The following MAPK4 variants were observed in gnomAD, a reference collection of about 807,000 sequenced individuals.
The protein encoded by MAPK4 is Erk3-related.
In MAPK4, 22 loss-of-function variants were observed where a neutral mutation model predicts 47.7. That is an observed-to-expected ratio of 0.46 (90% CI 0.33 to 0.66). The LOEUF is 0.66. Ranked by LOEUF, MAPK4 falls within the 30% of genes least tolerant of loss-of-function variation. The pLI, the probability that MAPK4 is intolerant of heterozygous loss-of-function variation, is 0.02. For synonymous variants in MAPK4, 390 were observed against 365.7 expected (o/e 1.07, Z -0.76); for missense variants, 736 against 831.7 (o/e 0.88, Z 1.42).
chr18:50,625,664 ACATGCCCATACCAAAGCCAGGCTGGACC>A (rs2042770438), intron 1 of MAPK4, among the ~76,000 whole-genome samples: 1 of 152,122 alleles, frequency 6.6e-6, no homozygotes, highest in South Asian at 2.1e-4. Context: ...TCGGGGTAGC[ACATGCCCATACCAAAGCCAGGCTGGACC>A]CAGGATTGGT....
At chr18:50,560,014 G>A (rs1393594782), upstream of MAPK4, 4 of 148,960 alleles carry the variant, frequency 2.7e-5, no homozygotes, top group African/African-American at 9.7e-5. Flanking sequence ...CCAGTGGGCG[G>A]GGGCGGGGCC....
chr18:50,726,748 T>A (rs541122073), intron 5 of MAPK4, among the ~76,000 whole-genome samples: 3 of 151,476 alleles, frequency 2.0e-5, no homozygotes, highest in Non-Finnish European at 4.4e-5. Context: ...TTTTTTTTTT[T>A]AATTAGCCAG....
At chr18:50,576,801 A>G (rs2042301363) in intron 1 of MAPK4, among the ~76,000 whole-genome samples, 1 of 152,238 alleles carries the variant, frequency 6.6e-6, no homozygotes, top group Non-Finnish European at 1.5e-5. Context: ...TGTATGAAGC[A>G]TATTCCTTTT....
intron 1 of MAPK4, among the ~76,000 whole-genome samples, chr18:50,633,024 C>T (rs571219212): frequency 6.6e-6 from 1 of 152,256 alleles, no homozygotes; most frequent in East Asian, 1.9e-4. Flanking sequence ...GAGTAATTTA[C>T]TAAAAGCCTT....
At chr18:50,706,890 A>T (rs117744780) in intron 2 of MAPK4, among the ~76,000 whole-genome samples, 1 of 152,300 alleles carries the variant, frequency 6.6e-6, no homozygotes, top group Non-Finnish European at 1.5e-5. Context: ...GAACAAACAG[A>T]ACATGTTATC....
intron 2 of MAPK4, among the ~76,000 whole-genome samples, chr18:50,707,751 C>G (rs756503062): frequency 1.4e-4 from 21 of 151,974 alleles, no homozygotes; most frequent in Non-Finnish European, 2.4e-4. Context: ...TTTTTAAAGT[C>G]AAAGAAAGTG....
intron 2 of MAPK4, among the ~76,000 whole-genome samples, chr18:50,684,642 T>G (rs114348939): frequency 0.027 from 4,064 of 151,652 alleles, 98 homozygotes; most frequent in African/African-American, 0.061. Flanking sequence ...CCCATCACAG[T>G]GGGCTGTGGC....
chr18:50,648,964 C>T (rs775218264), intron 1 of MAPK4, among the ~76,000 whole-genome samples: 1 of 152,200 alleles, frequency 6.6e-6, no homozygotes, highest in African/African-American at 2.4e-5. Flanking sequence ...TGGGACTCTA[C>T]GCCTCTCTGC....
At chr18:50,598,857 A>G (rs1379857415) in intron 1 of MAPK4, among the ~76,000 whole-genome samples, 1 of 152,112 alleles carries the variant, frequency 6.6e-6, no homozygotes, top group Non-Finnish European at 1.5e-5. Context: ...TATCATAATT[A>G]TATTGGGGTT....
At chr18:50,625,352 T>A (rs1216145650) in intron 1 of MAPK4, among the ~76,000 whole-genome samples, 2 of 152,190 alleles carry the variant, frequency 1.3e-5, no homozygotes, top group Non-Finnish European at 2.9e-5. Context: ...TATGGCAAGA[T>A]TTTTTTCCTT....
At chr18:50,646,743 T>A (rs752346963) in intron 1 of MAPK4, among the ~76,000 whole-genome samples, 54 of 152,348 alleles carry the variant, frequency 3.5e-4, no homozygotes, top group African/African-American at 7.0e-4. Flanking sequence ...ACTTGATTTT[T>A]CTACCTGTGG....
At chr18:50,686,029 T>A (rs12961853) in intron 2 of MAPK4, among the ~76,000 whole-genome samples, 1 of 151,756 alleles carries the variant, frequency 6.6e-6, no homozygotes. Flanking sequence ...AAAGGCCCCC[T>A]AGAAGTAACT....
At chr18:50,711,531 G>T (rs973258969) in intron 2 of MAPK4, among the ~76,000 whole-genome samples, 1 of 152,226 alleles carries the variant, frequency 6.6e-6, no homozygotes, top group Non-Finnish European at 1.5e-5. Context: ...CAAGAGGCTG[G>T]CCCCAGCTGG....
At chr18:50,609,551 T>C (rs1336546455) in intron 1 of MAPK4, among the ~76,000 whole-genome samples, 2 of 152,170 alleles carry the variant, frequency 1.3e-5, no homozygotes, top group Non-Finnish European at 2.9e-5. Flanking sequence ...GAGAATGCAC[T>C]CCTTCTACTT....
chr18:50,579,066 C>T (rs1031128821), intron 1 of MAPK4, among the ~76,000 whole-genome samples: 3 of 152,106 alleles, frequency 2.0e-5, no homozygotes, highest in Non-Finnish European at 2.9e-5. Context: ...GACAGGCAGG[C>T]AGAGACTGGA....
rs1909706573 is a variant in MAPK4 at position 50,700,085 on chromosome 18, C to T, written c.547-14994C>T. Among the ~76,000 whole-genome samples, 3 of 152,128 alleles carry T rather than the reference C, an allele frequency of 2.0e-5. No homozygotes were observed. In the South Asian group the frequency reaches 6.2e-4, roughly 32 times the overall value. Reference sequence around the variant, plus strand: ...ACCTAACTGAACTCAACCTCCAGCCCCTCTCCACCCCCTGGAAGTTGGGCT... The same window carrying T: ...ACCTAACTGAACTCAACCTCCAGCCTCTCTCCACCCCCTGGAAGTTGGGCT... On this transcript the variant is annotated intron_variant, in intron 2 of 5. Transcript: ENST00000400384.
At chr18:50,693,927 G>T (rs975841899) in intron 2 of MAPK4, among the ~76,000 whole-genome samples, 4 of 152,194 alleles carry the variant, frequency 2.6e-5, no homozygotes, top group Non-Finnish European at 4.4e-5. Context: ...CTGTTCCTTG[G>T]ATCCCCAGGG....
intron 2 of MAPK4, chr18:50,704,669 C>T (rs1159147099): frequency 1.3e-5 from 5 of 398,560 alleles, no homozygotes; most frequent in Non-Finnish European, 2.2e-5. Flanking sequence ...GGGGTGGGAG[C>T]AGCTGTGAAG....
chr18:50,661,340 G>A (rs1044448512), intron 1 of MAPK4, among the ~76,000 whole-genome samples: 2 of 152,128 alleles, frequency 1.3e-5, no homozygotes, highest in East Asian at 1.9e-4. Flanking sequence ...GGCCAACTTC[G>A]CTAGCACAGG....
Sources: allele counts gnomAD v4.1 joint callset (sites outside exome capture counted in the v4.1 genomes callset), GRCh38; gene constraint gnomAD v4.1.1; transcripts MANE v1.5; gene names NCBI Gene and HGNC (gene_info 2026-07-23, HGNC 2026-07-21).